The following KCNT2 variants were observed in gnomAD, a reference collection of about 807,000 sequenced individuals.
KCNT2 encodes the protein potassium channel subfamily T member 2.
In KCNT2, 67 loss-of-function variants were observed where a neutral mutation model predicts 153.8. The observed-to-expected ratio is 0.44, with a 90% CI of 0.36 to 0.53. KCNT2 has a LOEUF of 0.53. KCNT2 is among the 20% of genes least tolerant of loss of function. The pLI is 0.00. For missense variants in KCNT2, 975 were observed against 1,354.8 expected, an observed-to-expected ratio of 0.72 and a Z score of 4.40; for synonymous variants, 500 against 458.8, an observed-to-expected ratio of 1.09 and a Z score of -1.15.
chr1:196,361,683 G>A (rs1667636188), intron 14 of KCNT2, among the ~76,000 whole-genome samples: 1 of 152,112 alleles, frequency 6.6e-6, no homozygotes, highest in Non-Finnish European at 1.5e-5. Flanking sequence ...GTGGTGTGGG[G>A]TAATAGGAGT....
intron 1 of KCNT2, among the ~76,000 whole-genome samples, chr1:196,597,730 A>G (rs970085240): frequency 2.0e-5 from 3 of 152,188 alleles, no homozygotes; most frequent in Non-Finnish European, 2.9e-5. Flanking sequence ...CTATGTACCT[A>G]CATACTCCTA....
intron 1 of KCNT2, among the ~76,000 whole-genome samples, chr1:196,541,587 T>A (rs1656376296): frequency 6.6e-6 from 1 of 152,178 alleles, no homozygotes; most frequent in Non-Finnish European, 1.5e-5. Flanking sequence ...GTATATTTAA[T>A]AAGAGACCTT....
At chr1:196,228,627 A>G (rs1459204132) in intron 27 of KCNT2, among the ~76,000 whole-genome samples, 3 of 151,952 alleles carry the variant, frequency 2.0e-5, no homozygotes, top group African/African-American at 7.3e-5. Flanking sequence ...AGTCACCATT[A>G]TTTTTCAATT....
At chr1:196,496,090 G>T (rs1455986726) in intron 1 of KCNT2, among the ~76,000 whole-genome samples, 2 of 151,964 alleles carry the variant, frequency 1.3e-5, no homozygotes, top group African/African-American at 4.8e-5. Context: ...GGGTTTGCTA[G>T]ACAGACAGTT....
intron 1 of KCNT2, among the ~76,000 whole-genome samples, chr1:196,506,003 T>C (rs1681107329): frequency 6.6e-6 from 1 of 152,192 alleles, no homozygotes; most frequent in Admixed American, 6.5e-5. Context: ...TGGGGTTTTC[T>C]AGATATACAA....
At chr1:196,368,298 C>G (rs964997637) in intron 14 of KCNT2, among the ~76,000 whole-genome samples, 2 of 152,138 alleles carry the variant, frequency 1.3e-5, no homozygotes, top group Non-Finnish European at 2.9e-5. Context: ...TCCTTTACTC[C>G]CTCACTGCGT....
chr1:196,576,442 A>G (rs996637680), intron 1 of KCNT2, among the ~76,000 whole-genome samples: 15 of 152,110 alleles, frequency 9.9e-5, no homozygotes. Context: ...TTCCACGCCA[A>G]ACTTGTTGGG....
intron 1 of KCNT2, among the ~76,000 whole-genome samples, chr1:196,546,268 T>C (rs1043708369): frequency 2.4e-4 from 37 of 152,126 alleles, no homozygotes; most frequent in Admixed American, 8.5e-4. Flanking sequence ...CACAAAAGTT[T>C]TCAATTTTAA....
chr1:196,292,524 T>A (rs1660276057), intron 22 of KCNT2, among the ~76,000 whole-genome samples: 1 of 152,108 alleles, frequency 6.6e-6, no homozygotes, highest in South Asian at 2.1e-4. Context: ...AAAAAGGAAG[T>A]GGCCGGGCGC....
chr1:196,524,364 A>AG (rs902700724), intron 1 of KCNT2, among the ~76,000 whole-genome samples: 2 of 148,898 alleles, frequency 1.3e-5, no homozygotes, highest in African/African-American at 5.2e-5. Flanking sequence ...ACTGAGAATA[A>AG]GGGGGGAAAA....
At chr1:196,490,500 A>T (rs1572625785) in intron 2 of KCNT2, among the ~76,000 whole-genome samples, 3 of 148,162 alleles carry the variant, frequency 2.0e-5, no homozygotes, top group African/African-American at 7.3e-5. Flanking sequence ...AATATATATT[A>T]TATAAGTATA....
At chr1:196,515,864 G>A (rs1231851685) in intron 1 of KCNT2, among the ~76,000 whole-genome samples, 2 of 152,140 alleles carry the variant, frequency 1.3e-5, no homozygotes, top group African/African-American at 4.8e-5. Context: ...GAAGTGGTGA[G>A]TAAGTGAGTG....
At chr1:196,350,077 G>A (rs1333850164) in intron 14 of KCNT2, among the ~76,000 whole-genome samples, 1 of 152,112 alleles carries the variant, frequency 6.6e-6, no homozygotes, top group East Asian at 1.9e-4. Flanking sequence ...TGGTGTATAT[G>A]TGCCACATTT....
chr1:196,229,547 T>C (rs1375239295), intron 27 of KCNT2, among the ~76,000 whole-genome samples: 1 of 152,080 alleles, frequency 6.6e-6, no homozygotes, highest in Non-Finnish European at 1.5e-5. Context: ...AGGAAGAGTA[T>C]CATGTCTCTC....
intron 27 of KCNT2, 134 bp from the exon 28 acceptor site, chr1:196,228,469 G>A: frequency 1.9e-6 from 1 of 535,160 alleles, no homozygotes; most frequent in South Asian, 2.9e-5. Context: ...CAACATTGGT[G>A]GTAGAACTCA....
chr1:196,465,763 A>C (rs1677559264), intron 7 of KCNT2, among the ~76,000 whole-genome samples: 1 of 151,998 alleles, frequency 6.6e-6, no homozygotes, highest in Non-Finnish European at 1.5e-5. Flanking sequence ...ATTAAGGAAG[A>C]GGGAATAGAT....
At chr1:196,233,656 T>G (rs1009290875) in intron 27 of KCNT2, among the ~76,000 whole-genome samples, 1 of 151,432 alleles carries the variant, frequency 6.6e-6, no homozygotes, top group Non-Finnish European at 1.5e-5. Context: ...TTTGAATGGA[T>G]GGATGAAGAA....
At chr1:196,400,209 T>C (rs1671294672) in intron 12 of KCNT2, among the ~76,000 whole-genome samples, 1 of 151,742 alleles carries the variant, frequency 6.6e-6, no homozygotes, top group South Asian at 2.1e-4. Flanking sequence ...TTGAGGGTTA[T>C]AGATAACTTA....
chr1:196,437,734 C>T (rs908560710), intron 8 of KCNT2, among the ~76,000 whole-genome samples: 109 of 150,970 alleles, frequency 7.2e-4, no homozygotes, highest in African/African-American at 2.5e-3. Flanking sequence ...CTAACAGGTG[C>T]TATAAAATTT....
Sources: gnomAD v4.1 joint callset for allele counts (sites outside exome capture counted in the v4.1 genomes callset) on GRCh38, gnomAD v4.1.1 for gene constraint, MANE v1.5 for transcripts, NCBI Gene and HGNC (gene_info 2026-07-23, HGNC 2026-07-21) for gene names.